The following COPS3 variants were observed in gnomAD, a reference collection of about 807,000 sequenced individuals.
The protein encoded by COPS3 is COP9 signalosome complex subunit 3.
A neutral mutation model predicts 58.2 loss-of-function variants in COPS3; 10 were observed. The observed-to-expected ratio is 0.17, with a 90% CI of 0.11 to 0.29. COPS3 has a LOEUF of 0.29. Ranked by LOEUF, COPS3 falls within the 10% of genes least tolerant of loss-of-function variation. The pLI is 1.00. For missense variants in COPS3, 333 were observed against 510.1 expected, an observed-to-expected ratio of 0.65 and a Z score of 3.34; for synonymous variants, 187 against 181.7, an observed-to-expected ratio of 1.03 and a Z score of -0.24.
intron 2 of COPS3, 37 bp from the exon 3 acceptor site, chr17:17,271,045 G>T: frequency 7.2e-7 from 1 of 1,390,742 alleles, no homozygotes; most frequent in Non-Finnish European, 1.0e-6. Flanking sequence ...TACCCTGATA[G>T]TTCATGGGAT....
At chr17:17,262,514 G>T (rs2048123264) in intron 6 of COPS3, among the ~76,000 whole-genome samples, 1 of 152,044 alleles carries the variant, frequency 6.6e-6, no homozygotes, top group South Asian at 2.1e-4. Context: ...TGGATCACGA[G>T]GTCAGGGGAT....
intron 4 of COPS3, 85 bp downstream of exon 4, chr17:17,270,669 TACTA>T (rs1359255580): frequency 1.7e-6 from 2 of 1,178,564 alleles, no homozygotes; most frequent in African/African-American, 3.1e-5. Context: ...GGATGCTCAG[TACTA>T]ACTGGAATCT....
chr17:17,247,771 A>G (rs2047755788), intron 10 of COPS3: 1 of 474,500 alleles, frequency 2.1e-6, no homozygotes, highest in Non-Finnish European at 3.7e-6. Context: ...AGCAGGATCT[A>G]GGCAAACCTC....
chr17:17,262,436 A>T (rs1228082893), intron 6 of COPS3, among the ~76,000 whole-genome samples: 1 of 152,030 alleles, frequency 6.6e-6, no homozygotes, highest in Non-Finnish European at 1.5e-5. Flanking sequence ...TAATTTTAAA[A>T]TTTTTTGTAG....
chr17:17,274,408 A>C (rs1053614953), intron 2 of COPS3, among the ~76,000 whole-genome samples: 1 of 129,362 alleles, frequency 7.7e-6, no homozygotes, highest in African/African-American at 2.8e-5. Context: ...GATGTAGTAG[A>C]AATTATGATT....
At chr17:17,267,363 G>A (rs977917654) in intron 5 of COPS3, among the ~76,000 whole-genome samples, 2 of 149,700 alleles carry the variant, frequency 1.3e-5, no homozygotes, top group African/African-American at 4.9e-5. Flanking sequence ...AACTAGGGCC[G>A]GGTGTGGTGG....
intron 1 of COPS3, 102 bp downstream of exon 1, chr17:17,281,030 T>G: frequency 7.5e-7 from 1 of 1,336,800 alleles, no homozygotes; most frequent in Non-Finnish European, 1.0e-6. Context: ...GAGAAGAGTC[T>G]CAGGACTAAA....
chr17:17,265,401 CT>C (rs34164209), intron 5 of COPS3, among the ~76,000 whole-genome samples: 5,667 of 141,822 alleles, frequency 0.04, 260 homozygotes, highest in African/African-American at 0.12. Flanking sequence ...ACAGCATTAC[CT>C]TTTTTTTTTT....
At chr17:17,266,811 A>T (rs1037809971) in intron 5 of COPS3, among the ~76,000 whole-genome samples, 26 of 151,784 alleles carry the variant, frequency 1.7e-4, no homozygotes, top group Non-Finnish European at 1.0e-4. Flanking sequence ...AAAATAAAAA[A>T]AAAAAAGATA....
At chr17:17,270,403 T>C (rs1479142792) in intron 4 of COPS3, among the ~76,000 whole-genome samples, 1 of 152,186 alleles carries the variant, frequency 6.6e-6, no homozygotes, top group Non-Finnish European at 1.5e-5. Context: ...TTTTATATTA[T>C]TTTTGAAGCT....
intron 8 of COPS3, among the ~76,000 whole-genome samples, chr17:17,255,839 A>AAAATAAAT (rs144619560): frequency 0.43 from 55,079 of 127,078 alleles, 13,054 homozygotes; most frequent in East Asian, 0.74. Context: ...ACTCCATCTC[A>AAAATAAAT]AAATAAATAA....
At chr17:17,257,806 A>AAAAAAAAAAAAAG (rs1555617964) in intron 8 of COPS3, among the ~76,000 whole-genome samples, 1 of 147,822 alleles carries the variant, frequency 6.8e-6, no homozygotes, top group Non-Finnish European at 1.5e-5. Flanking sequence ...CAAAAAAAAA[A>AAAAAAAAAAAAAG]AAAAAGAAAA....
At chr17:17,266,909 T>C (rs1277335064) in intron 5 of COPS3, among the ~76,000 whole-genome samples, 2 of 151,628 alleles carry the variant, frequency 1.3e-5, no homozygotes, top group Non-Finnish European at 2.9e-5. Context: ...GATTTCTCCA[T>C]GTTGGTCAGG....
chr17:17,254,835 AAAAG>A lies in COPS3; in HGVS notation c.1023+20_1023+23del, dbSNP rs770062247. 80 of 1,469,746 alleles carry A rather than the reference AAAAG, an allele frequency of 5.4e-5. No homozygotes were observed. Among genetic ancestry groups the A allele is most frequent in the Non-Finnish European group, 7.0e-5 (76 of 1,081,362 alleles). 91.0% of individuals were successfully genotyped at this position (1,469,746 alleles called of 1,614,324 possible). ...AAAAGAAAAAAAAAAAAAAAAAAGA[AAAAG>A]AAAAAGAAAATCCACTTACCATGTG... is the stretch of plus-strand genomic sequence containing the variant. On this transcript the variant is annotated intron_variant, in intron 9 of 11. Coordinates refer to ENST00000268717, the MANE Select transcript of COPS3 (RefSeq NM_003653.4).
intron 9 of COPS3, among the ~76,000 whole-genome samples, chr17:17,250,758 A>C (rs917108154): frequency 1.3e-5 from 2 of 152,248 alleles, no homozygotes; most frequent in East Asian, 3.8e-4. Context: ...ATTTGTTAGC[A>C]GTGAAACTGC....
At chr17:17,257,966 G>T (rs1323673892) in intron 8 of COPS3, among the ~76,000 whole-genome samples, 1 of 152,068 alleles carries the variant, frequency 6.6e-6, no homozygotes, top group Non-Finnish European at 1.5e-5. Context: ...GACTTCTTTG[G>T]ATTTTCTAGT....
chr17:17,250,419 TA>T (rs2047818213), intron 9 of COPS3, among the ~76,000 whole-genome samples: 1 of 152,000 alleles, frequency 6.6e-6, no homozygotes, highest in Non-Finnish European at 1.5e-5. Flanking sequence ...GATGCCCAGC[TA>T]ATTTTTTTTA....
At chr17:17,278,082 T>C (rs940901174) in intron 1 of COPS3, among the ~76,000 whole-genome samples, 5 of 151,972 alleles carry the variant, frequency 3.3e-5, no homozygotes. Context: ...ACCCGGGAGA[T>C]GGAGGCTGCA....
rs144754900 is a variant in COPS3, at chr17:17,259,237, G to A, written c.936+1064C>T. Among the ~76,000 whole-genome samples the A allele has an allele frequency of 1.8e-3, 274 of 152,330 alleles. 1 individual carries two copies. The highest frequency in any genetic ancestry group is 3.4e-3 in the Non-Finnish European group (234 of 68,032). On this transcript the variant is annotated intron_variant, in intron 8 of 11. Transcript: ENST00000268717. ...GCAAAGGATGTGCACAGGAACAGAT[G>A]CACTGTGTTCTCAGCAGCTGTGAAC...
Sources: allele counts gnomAD v4.1 joint callset (sites outside exome capture counted in the v4.1 genomes callset), GRCh38; gene constraint gnomAD v4.1.1; transcripts MANE v1.5; gene names NCBI Gene and HGNC (gene_info 2026-07-23, HGNC 2026-07-21).